CFD: variants seen among roughly 807,000 people sequenced by gnomAD.
CFD encodes complement factor D.
CFD carries 24 observed loss-of-function variants against 21.1 expected under a neutral mutation model. The ratio of observed to expected loss-of-function variants is 1.14; its 90% CI spans 0.82 to 1.60. The LOEUF is 1.60. CFD is among the 40% of genes most tolerant of loss of function. CFD has a pLI of 0.00. For synonymous variants in CFD, 242 were observed against 175.9 expected (o/e 1.38, Z -2.97); for missense variants, 535 against 383.3 (o/e 1.40, Z -3.31).
At position 860,677 on chromosome 19, in the gene CFD, A is replaced by G. The variant is rs746199962; in HGVS notation, c.116A>G (p.Tyr39Cys). 4 of 1,536,198 alleles carry G rather than the reference A, an allele frequency of 2.6e-6. No homozygotes were observed. The Admixed American group carries it at 7.8e-5, about 30-fold the overall frequency. ...GAGGCCGAGGCGCACGCGCGGCCCT[A>G]CATGGCGTCGGTGCAGCTGAACGGC... The part of the protein sequence containing the change: ...GREAEAHARP[Y>C]MASVQLNGAH... Residue 39 changes from tyrosine (Y) to cysteine (C), a missense_variant, in exon 2 of 5, where the codon TAC becomes TGC. Transcript: ENST00000327726.
At position 861,846 on chromosome 19, in the gene CFD, G is replaced by A. The variant is rs2035800122; in HGVS notation, c.505G>A (p.Val169Met). The change falls in exon 4 of 5, where the codon GTG becomes ATG. Residue 169 changes from valine (V) to methionine (M), a missense_variant. Physicochemically the swap from Val to Met is conservative, Grantham distance 21 (BLOSUM62 1). Coordinates refer to ENST00000327726, the MANE Select transcript of CFD (RefSeq NM_001928.4). The part of the protein sequence containing the change: ...AGRRPDSLQH[V>M]LLPVLDRATC... The stretch of plus-strand genomic sequence containing the variant: ...CCGCCGCCCGGACAGCCTGCAGCAC[G>A]TGCTCTTGCCAGTGCTGGACCGCGC... 1.3e-6 allele frequency: 2 copies of A among 1,599,624 alleles called. No individual in the cohort carries two copies.
rs751710883 is a variant in CFD at position 860,982 on chromosome 19, G to C, written c.334G>C (p.Asp112His). ...PHPDSQPDTIDHDLLLLQLSE... is the reference protein window; with the variant it reads ...PHPDSQPDTIHHDLLLLQLSE... ...CCCGGACAGCCAGCCCGACACCATC[G>C]ACCACGACCTCCTGCTGCTACAGGT... Residue 112 changes from aspartate to histidine, a missense_variant, in exon 3 of 5, where the codon GAC (aspartate) becomes CAC (histidine). Asp to His is a moderately conservative substitution (Grantham distance 81, BLOSUM62 -1). Coordinates refer to ENST00000327726, the MANE Select transcript of CFD (RefSeq NM_001928.4). 22 of 1,598,858 alleles carry C rather than the reference G, an allele frequency of 1.4e-5. No individual in the cohort carries two copies. Among genetic ancestry groups the C allele is most frequent in the Admixed American group, 1.7e-5 (1 of 59,866 alleles).
chr19:861,410 T>TTC (rs2035791595), intron 3 of CFD, among the ~76,000 whole-genome samples: 1 of 91,628 alleles, frequency 1.1e-5, no homozygotes, highest in Non-Finnish European at 2.2e-5. Context: ...TCACCCCGGG[T>TTC]CTAGCCTCGA....
rs370962604 is a variant in CFD at position 863,196 on chromosome 19, C to T, written c.720C>T (p.Arg240=). Residue 240 remains arginine, a synonymous_variant, in exon 5 of 5, where the codon CGC becomes CGT. Coordinates refer to ENST00000327726, the MANE Select transcript of CFD (RefSeq NM_001928.4). ...GCAAGAAGCCCGGGATCTACACCCG[C>T]GTGGCGAGCTATGCGGCCTGGATCG... ...GNRKKPGIYT[R]VASYAAWIDS... is the part of the protein sequence containing the mutation. 1.8e-5 allele frequency: 28 copies of T among 1,540,238 alleles called. No homozygotes were observed. In the Middle Eastern group the frequency reaches 5.0e-4, roughly 28 times the overall value.
At position 863,118 on chromosome 19, in the gene CFD, CG is replaced by C; in HGVS notation, c.647del (p.Gly216AlafsTer96). ...GTGACTCCGGGGGCCCGCTGGTGTG[CG>C]GGGGCGTGCTCGAGGGCGTGGTCAC... Reference protein sequence around the residue: ...KGDSGGPLVCGGVLEGVVTSG... With the variant: ...KGDSGGPLVCXGVLEGVVTSG... On this transcript the variant is annotated frameshift_variant, in exon 5 of 5. Coordinates refer to ENST00000327726, the MANE Select transcript of CFD (RefSeq NM_001928.4). LOFTEE classifies it low-confidence loss of function (END_TRUNC). The C allele has an allele frequency of 6.5e-7, 1 of 1,530,276 alleles. No homozygotes were observed. The allele number at this position is 1,530,276 out of a possible 1,614,324, so 94.8% of individuals were successfully genotyped here. A position where few individuals can be genotyped will look rare whatever the true frequency, so the allele number is the denominator to read the frequency against.
At position 861,889 on chromosome 19, in the gene CFD, C is replaced by T. The variant is rs757020824; in HGVS notation, c.548C>T (p.Thr183Met). ...VLDRATCNRR[T>M]HHDGAITERL... ...GACCGCGCCACCTGCAACCGGCGCACGCACCACGACGGCGCCATCACCGAG... is the reference window on the plus strand; with the variant it reads ...GACCGCGCCACCTGCAACCGGCGCATGCACCACGACGGCGCCATCACCGAG... The change falls in exon 4 of 5, where the codon ACG becomes ATG. Residue 183 changes from threonine to methionine, a missense_variant. Coordinates refer to ENST00000327726, the MANE Select transcript of CFD (RefSeq NM_001928.4). The T allele has an allele frequency of 2.5e-5, 40 of 1,584,760 alleles. No individual in the cohort carries two copies. The highest frequency in any genetic ancestry group is 1.3e-5 in the Non-Finnish European group (15 of 1,172,488).
rs778236694 is a variant in CFD at position 861,906 on chromosome 19, A to T, written c.565A>T (p.Ile189Phe). Residue 189 changes from isoleucine (I) to phenylalanine (F), a missense_variant, in exon 4 of 5, where the codon ATC (isoleucine) becomes TTC (phenylalanine). Physicochemically the swap from Ile to Phe is conservative, Grantham distance 21. Coordinates refer to ENST00000327726, the MANE Select transcript of CFD (RefSeq NM_001928.4). ...CCGGCGCACGCACCACGACGGCGCC[A>T]TCACCGAGCGCTTGATGTGCGCGGA... ...CNRRTHHDGA[I>F]TERLMCAESN... 3 of 1,576,708 alleles carry T rather than the reference A, an allele frequency of 1.9e-6. No homozygotes were observed. In the Admixed American group the frequency reaches 5.3e-5, roughly 28 times the overall value.
In CFD at chr19:861,818, G is replaced by C; in HGVS notation, c.477G>C (p.Ala159=). The part of the protein sequence containing the change: ...DVAGWGIVNH[A]GRRPDSLQHV... ...CCGGCTGGGGCATAGTCAACCACGC[G>C]GGCCGCCGCCCGGACAGCCTGCAGC... Residue 159 remains alanine (A), a synonymous_variant, in exon 4 of 5, where the codon GCG becomes GCC. Transcript: ENST00000327726. 6.2e-7 allele frequency: 1 copy of C among 1,602,608 alleles called. No homozygotes were observed. The highest frequency in any genetic ancestry group is 8.5e-7 in the Non-Finnish European group (1 of 1,179,050).
At chr19:863,006 G>C in intron 4 of CFD, 86 bp from the exon 5 acceptor site, 1 of 1,297,388 alleles carries the variant, frequency 7.7e-7, no homozygotes, top group Non-Finnish European at 1.0e-6. Context: ...ATTGTGGGGC[G>C]GGAGCGGCAG....
At chr19:863,043 G>A (rs761715933) in intron 4 of CFD, 49 bp from the exon 5 acceptor site, 1 of 1,476,562 alleles carries the variant, frequency 6.8e-7, no homozygotes, top group Non-Finnish European at 9.0e-7. Context: ...AACACGTGAG[G>A]CCGGGGTGGG....
chr19:861,812 C>T lies in CFD; in HGVS notation c.471C>T (p.Asn157=). ...LCDVAGWGIV[N]HAGRRPDSLQ... ...ACGTGGCCGGCTGGGGCATAGTCAA[C>T]CACGCGGGCCGCCGCCCGGACAGCC... is the stretch of plus-strand genomic sequence containing the variant. The change falls in exon 4 of 5, where the codon AAC becomes AAT. Residue 157 remains asparagine, a synonymous_variant. Transcript: ENST00000327726. 2 of 1,603,148 alleles carry T rather than the reference C, an allele frequency of 1.2e-6. No homozygotes were observed. Among genetic ancestry groups the T allele is most frequent in the Non-Finnish European group, 1.7e-6 (2 of 1,179,108 alleles).
intron 4 of CFD, among the ~76,000 whole-genome samples, chr19:862,655 G>A (rs2035819309): frequency 6.9e-6 from 1 of 145,340 alleles, no homozygotes; most frequent in Non-Finnish European, 1.5e-5. Context: ...CATGGTAGCC[G>A]GGGCCAAGAT....
intron 4 of CFD, among the ~76,000 whole-genome samples, chr19:862,353 A>G (rs1238421578): frequency 1.0e-5 from 1 of 97,554 alleles, no homozygotes; most frequent in Non-Finnish European, 2.0e-5. Context: ...GGGCGAGGCC[A>G]GGAAGAGGGT....
Position 861,820 on chromosome 19 carries a change from G to A in CFD, c.479G>A (p.Gly160Asp). 1 of 1,602,182 alleles carries A rather than the reference G, an allele frequency of 6.2e-7. No homozygotes were observed. Among genetic ancestry groups the A allele is most frequent in the Non-Finnish European group, 8.5e-7 (1 of 1,178,998 alleles). Reference protein sequence around the residue: ...VAGWGIVNHAGRRPDSLQHVL... With the variant: ...VAGWGIVNHADRRPDSLQHVL... ...GGCTGGGGCATAGTCAACCACGCGG[G>A]CCGCCGCCCGGACAGCCTGCAGCAC... Residue 160 changes from glycine to aspartate, a missense_variant, in exon 4 of 5, where the codon GGC (glycine) becomes GAC (aspartate). Gly to Asp is a moderately conservative substitution (Grantham distance 94). Coordinates refer to ENST00000327726, the MANE Select transcript of CFD (RefSeq NM_001928.4).
chr19:863,218 A>T lies in CFD; in HGVS notation c.742A>T (p.Ile248Phe). 6.5e-7 allele frequency: 1 copy of T among 1,544,948 alleles called. No homozygotes were observed. The highest frequency in any genetic ancestry group is 8.7e-7 in the Non-Finnish European group (1 of 1,151,534). Residue 248 changes from isoleucine to phenylalanine, a missense_variant, in exon 5 of 5, where the codon ATC becomes TTC. Coordinates refer to ENST00000327726, the MANE Select transcript of CFD (RefSeq NM_001928.4). ...YTRVASYAAW[I>F]DSVLA Reference sequence around the variant, plus strand: ...CCGCGTGGCGAGCTATGCGGCCTGGATCGACAGCGTCCTGGCCTAGGGTGC... The same window carrying T: ...CCGCGTGGCGAGCTATGCGGCCTGGTTCGACAGCGTCCTGGCCTAGGGTGC...
At chr19:862,709 A>G (rs1054662283) in intron 4 of CFD, among the ~76,000 whole-genome samples, 76 of 151,744 alleles carry the variant, frequency 5.0e-4, no homozygotes, top group African/African-American at 1.5e-3. Flanking sequence ...GTGAGTGGGG[A>G]CTGAGCAGAG....
intron 3 of CFD, 47 bp from the exon 4 acceptor site, chr19:861,652 G>C (rs1278010746): frequency 6.5e-7 from 1 of 1,545,392 alleles, no homozygotes; most frequent in Non-Finnish European, 8.7e-7. Flanking sequence ...ATTCTCCCCA[G>C]CCTCGCACCC....
At position 861,840 on chromosome 19, in the gene CFD, C is replaced by T; in HGVS notation, c.499C>T (p.Gln167Ter). Residue 167 changes from glutamine (Q) to a stop codon, truncating the protein, a stop_gained, in exon 4 of 5, where the codon CAG becomes TAG. Coordinates refer to ENST00000327726, the MANE Select transcript of CFD (RefSeq NM_001928.4). LOFTEE classifies it high-confidence loss of function. ...CGCGGGCCGCCGCCCGGACAGCCTG[C>T]AGCACGTGCTCTTGCCAGTGCTGGA... ...NHAGRRPDSL[Q>*]HVLLPVLDRA... The T allele has an allele frequency of 6.2e-7, 1 of 1,600,354 alleles. No homozygotes were observed. The highest frequency in any genetic ancestry group is 8.5e-7 in the Non-Finnish European group (1 of 1,178,608).
chr19:859,892 T>C (rs1200133836), intron 1 of CFD, 148 bp downstream of exon 1: 3 of 618,978 alleles, frequency 4.8e-6, no homozygotes, highest in Non-Finnish European at 8.7e-6. Flanking sequence ...CGCTGAAAAA[T>C]TCTAGAAAAT....
Sources: allele counts gnomAD v4.1 joint callset (sites outside exome capture counted in the v4.1 genomes callset), GRCh38; gene constraint gnomAD v4.1.1; transcripts MANE v1.5; gene names NCBI Gene and HGNC (gene_info 2026-07-23, HGNC 2026-07-21).